The following AP1S3 variants were observed in gnomAD, a reference collection of about 807,000 sequenced individuals.
AP1S3 encodes AP-1 complex subunit sigma-3.
Under a neutral mutation model 20.9 loss-of-function variants are expected in AP1S3, and 10 were observed. The ratio of observed to expected loss-of-function variants is 0.48; its 90% CI spans 0.29 to 0.81. AP1S3 has a LOEUF of 0.81. Ranked by LOEUF, AP1S3 falls within the 30% of genes least tolerant of loss-of-function variation. AP1S3 has a pLI of 0.08. For synonymous variants in AP1S3, 41 were observed against 61.5 expected (o/e 0.67, Z 1.56); for missense variants, 154 against 183.8 (o/e 0.84, Z 0.94).
rs1338945536 is a variant in AP1S3 at position 223,756,328 on chromosome 2, GGAAAGAAAA to G, written c.*2378_*2386del. The G allele has an allele frequency of 2.1e-4, 53 of 248,504 alleles. 1 individual carries two copies. In the South Asian group the frequency reaches 7.9e-3, roughly 37 times the overall value. 15.4% of individuals were successfully genotyped at this position (248,504 alleles called of 1,614,324 possible). On this transcript the variant is annotated 3_prime_UTR_variant, in exon 5 of 5. Coordinates refer to ENST00000396654, the MANE Select transcript of AP1S3 (RefSeq NM_001039569.2). ...CTCTGGCCTGGGTGACAAGAAGCGA[GGAAAGAAAA>G]GAAAGAAAAGAAAAGAAAAGAGAAA... is the stretch of plus-strand genomic sequence containing the variant.
intron 1 of AP1S3, among the ~76,000 whole-genome samples, chr2:223,828,667 G>C (rs1360943587): frequency 6.6e-6 from 1 of 152,106 alleles, no homozygotes; most frequent in African/African-American, 2.4e-5. Context: ...CAAGCAGGTG[G>C]CTTCTGGCTT....
intron 1 of AP1S3, among the ~76,000 whole-genome samples, chr2:223,818,547 G>A (rs997623582): frequency 4.0e-5 from 6 of 151,766 alleles, no homozygotes; most frequent in African/African-American, 1.2e-4. Flanking sequence ...ACCCAGAAAC[G>A]TTAGCAAATT....
At chr2:223,837,086 G>T (rs1278518418) in intron 1 of AP1S3, among the ~76,000 whole-genome samples, 1 of 151,940 alleles carries the variant, frequency 6.6e-6, no homozygotes, top group African/African-American at 2.4e-5. Context: ...CCCTCCCTCC[G>T]CATCCCCCTC....
At chr2:223,822,250 G>A (rs939230980) in intron 1 of AP1S3, among the ~76,000 whole-genome samples, 1 of 151,860 alleles carries the variant, frequency 6.6e-6, no homozygotes, top group South Asian at 2.1e-4. Flanking sequence ...AAAATGAGCT[G>A]GGCATGGTGT....
At chr2:223,822,314 C>T (rs564282960) in intron 1 of AP1S3, among the ~76,000 whole-genome samples, 186 of 151,972 alleles carry the variant, frequency 1.2e-3, no homozygotes, top group Middle Eastern at 3.4e-3. Flanking sequence ...ATTGCTTGAG[C>T]GCAGGCTGTG....
In AP1S3 at chr2:223,757,143, C is replaced by A. The variant is rs1690242069; in HGVS notation, c.*1572G>T. On this transcript the variant is annotated 3_prime_UTR_variant, in exon 5 of 5. Transcript: ENST00000396654. ...TAGCTGGGATTACAGGCACCTGCCA[C>A]CATGCCCGGCTAATTTTTTTGTTTG... The A allele has an allele frequency of 3.2e-6, 1 of 317,198 alleles. No homozygotes were observed. The highest frequency in any genetic ancestry group is 2.2e-5 in the African/African-American group (1 of 44,782). 19.6% of individuals were successfully genotyped at this position (317,198 alleles called of 1,614,324 possible).
rs66977512 is a variant in AP1S3, at chr2:223,755,529, AT to A, written c.*3185del. Among the ~76,000 whole-genome samples the A allele has an allele frequency of 0.36, 42,440 of 117,398 alleles. 6,004 individuals are homozygous for A. The highest frequency in any genetic ancestry group is 0.52 in the South Asian group (1,764 of 3,398). 77.0% of individuals were successfully genotyped at this position (117,398 alleles called of 152,430 possible). ...CATATAGATATGTTTACTTACTTTC[AT>A]TTTTTTTTTTTTTTTTTTGAGACAG... On this transcript the variant is annotated 3_prime_UTR_variant, in exon 5 of 5. Coordinates refer to ENST00000396654, the MANE Select transcript of AP1S3 (RefSeq NM_001039569.2).
chr2:223,764,209 G>A lies in AP1S3; in HGVS notation c.429+1004C>T, dbSNP rs566744177. Reference sequence around the variant, plus strand: ...GCTGGGATTACAGGAGTGAGCCACCGCATCCGGCCAAATGCTGATTTTAAA... The same window carrying A: ...GCTGGGATTACAGGAGTGAGCCACCACATCCGGCCAAATGCTGATTTTAAA... On this transcript the variant is annotated intron_variant, in intron 4 of 4. Transcript: ENST00000396654. 4.9e-4 allele frequency among the ~76,000 whole-genome samples: 75 copies of A among 151,834 alleles called. No homozygotes were observed. In the East Asian group the frequency reaches 0.014, roughly 28 times the overall value.
At chr2:223,798,092 T>C (rs113793980) in intron 1 of AP1S3, among the ~76,000 whole-genome samples, 16 of 152,176 alleles carry the variant, frequency 1.1e-4, no homozygotes, top group Non-Finnish European at 2.2e-4. Context: ...TCAAATGTCA[T>C]AGGTTTTTTT....
chr2:223,775,966 T>C lies in AP1S3; in HGVS notation c.226A>G (p.Asn76Asp), dbSNP rs1222512491. Residue 76 changes from asparagine to aspartate, a missense_variant, in exon 3 of 5, where the codon AAT (asparagine) becomes GAT (aspartate). Physicochemically the swap from Asn to Asp is conservative, Grantham distance 23. Coordinates refer to ENST00000396654, the MANE Select transcript of AP1S3 (RefSeq NM_001039569.2). Reference protein sequence around the residue: ...YFCCAIENQDNELLTLEIVHR... With the variant: ...YFCCAIENQDDELLTLEIVHR... ...ACAATCTCTAGCGTCAAGAGCTCAT[T>C]GTCCTGATTTTCTATTGCACAGCAA... The C allele has an allele frequency of 1.2e-6, 2 of 1,614,064 alleles. No individual in the cohort carries two copies. The highest frequency in any genetic ancestry group is 1.7e-6 in the Non-Finnish European group (2 of 1,180,024).
At chr2:223,820,284 G>T (rs180960966) in intron 1 of AP1S3, among the ~76,000 whole-genome samples, 6 of 152,022 alleles carry the variant, frequency 3.9e-5, no homozygotes, top group Non-Finnish European at 7.4e-5. Flanking sequence ...GGTCCATTAC[G>T]TTTTAAAATG....
intron 1 of AP1S3, among the ~76,000 whole-genome samples, chr2:223,823,928 C>T (rs780195600): frequency 6.6e-6 from 1 of 152,122 alleles, no homozygotes; most frequent in African/African-American, 2.4e-5. Context: ...TCAAAGCACA[C>T]ATTAAAGTGG....
chr2:223,807,266 CA>C (rs2106115364), intron 1 of AP1S3, among the ~76,000 whole-genome samples: 1 of 151,906 alleles, frequency 6.6e-6, no homozygotes, highest in African/African-American at 2.4e-5. Flanking sequence ...GACCCTGTCT[CA>C]AAAAAGAGAG....
intron 1 of AP1S3, among the ~76,000 whole-genome samples, chr2:223,780,296 TATATATATATATAG>T (rs1690895128): frequency 1.2e-4 from 6 of 50,410 alleles, no homozygotes; most frequent in Admixed American, 2.6e-4. Flanking sequence ...TATATATATA[TATATATATATATAG>T]AGAGAGAGAG....
intron 1 of AP1S3, among the ~76,000 whole-genome samples, chr2:223,819,396 ACT>A (rs767576316): frequency 2.6e-5 from 4 of 152,138 alleles, no homozygotes; most frequent in Non-Finnish European, 5.9e-5. Flanking sequence ...GAAAAAGCAC[ACT>A]CTGTTTGCTC....
intron 1 of AP1S3, among the ~76,000 whole-genome samples, chr2:223,832,129 T>C (rs1255508968): frequency 1.7e-5 from 1 of 60,254 alleles, no homozygotes; most frequent in African/African-American, 6.2e-5. Flanking sequence ...TAAAGGAGTT[T>C]TCTCTCTGTG....
At chr2:223,786,987 G>C (rs1691093763) in intron 1 of AP1S3, among the ~76,000 whole-genome samples, 1 of 152,210 alleles carries the variant, frequency 6.6e-6, no homozygotes, top group Non-Finnish European at 1.5e-5. Flanking sequence ...CCCAGTGTTG[G>C]AGATGGGGCC....
intron 2 of AP1S3, among the ~76,000 whole-genome samples, chr2:223,776,847 A>C (rs995529069): frequency 4.6e-5 from 7 of 152,134 alleles, no homozygotes; most frequent in Non-Finnish European, 8.8e-5. Flanking sequence ...ATTAACACTC[A>C]ATTACTGTGA....
intron 1 of AP1S3, among the ~76,000 whole-genome samples, chr2:223,808,552 T>C (rs1285647843): frequency 2.0e-5 from 3 of 152,224 alleles, no homozygotes; most frequent in African/African-American, 4.8e-5. Context: ...GACCCATCTT[T>C]GCATTAGGCA....
Sources: gnomAD v4.1 joint callset for allele counts (sites outside exome capture counted in the v4.1 genomes callset) on GRCh38, gnomAD v4.1.1 for gene constraint, MANE v1.5 for transcripts, NCBI Gene and HGNC (gene_info 2026-07-23, HGNC 2026-07-21) for gene names.